The following CERS5 variants were observed in gnomAD, a reference collection of about 807,000 sequenced individuals.
CERS5 encodes LAG1 homolog, ceramide synthase 5.
CERS5 carries 37 observed loss-of-function variants against 58.9 expected under a neutral mutation model. That is an observed-to-expected ratio of 0.63 (90% confidence interval 0.48 to 0.83). CERS5 has a LOEUF of 0.83. CERS5 is among the 40% of genes least tolerant of loss of function. The pLI, the probability that CERS5 is intolerant of heterozygous loss-of-function variation, is 0.00. For synonymous variants in CERS5, 147 were observed against 177.8 expected (o/e 0.83, Z 1.38); for missense variants, 398 against 489.3 (o/e 0.81, Z 1.76).
intron 4 of CERS5, among the ~76,000 whole-genome samples, chr12:50,139,575 C>A (rs1951856796): frequency 6.6e-6 from 1 of 152,062 alleles, no homozygotes; most frequent in African/African-American, 2.4e-5. Flanking sequence ...GGGAGGATCA[C>A]CTGAGGTTAG....
At chr12:50,155,909 C>T (rs1433523253) in intron 1 of CERS5, among the ~76,000 whole-genome samples, 13 of 147,740 alleles carry the variant, frequency 8.8e-5, no homozygotes, top group African/African-American at 3.0e-4. Context: ...TTGAGACCAG[C>T]CTGACCAATA....
chr12:50,141,119 C>T (rs1349676617), intron 4 of CERS5, among the ~76,000 whole-genome samples: 5 of 152,096 alleles, frequency 3.3e-5, no homozygotes, highest in African/African-American at 7.2e-5. Flanking sequence ...GGCTCCATCA[C>T]GGCTCACTGC....
chr12:50,150,984 T>C (rs1937895740), intron 1 of CERS5, among the ~76,000 whole-genome samples: 1 of 152,180 alleles, frequency 6.6e-6, no homozygotes, highest in South Asian at 2.1e-4. Context: ...TTAGACCCAC[T>C]CTTTACTGAT....
At chr12:50,144,697 A>T (rs757940832) in intron 1 of CERS5, 1 of 804,786 alleles carries the variant, frequency 1.2e-6, no homozygotes, top group Non-Finnish European at 1.9e-6. Flanking sequence ...GTGAGAAGGA[A>T]ATCACCTATT....
In CERS5 at chr12:50,148,264, C is replaced by T. The variant is rs533836727; in HGVS notation, c.198-4207G>A. 2.0e-5 allele frequency among the ~76,000 whole-genome samples: 3 copies of T among 152,156 alleles called. No homozygotes were observed. In the South Asian group the frequency reaches 6.2e-4, roughly 32 times the overall value. ...GCTGCAGTGGGCTGTGATTGCGCCA[C>T]TGCACTTCAGCCTGTGTGATAGAGC... On this transcript the variant is annotated intron_variant, in intron 1 of 9. Coordinates refer to ENST00000317551, the MANE Select transcript of CERS5 (RefSeq NM_147190.5).
intron 9 of CERS5, chr12:50,133,184 C>T: frequency 8.3e-7 from 1 of 1,198,548 alleles, no homozygotes; most frequent in Non-Finnish European, 1.1e-6. Context: ...TGCAGGAGAT[C>T]ATCAATATCT....
intron 1 of CERS5, chr12:50,154,428 G>T: frequency 6.3e-6 from 1 of 158,210 alleles, no homozygotes; most frequent in South Asian, 1.7e-4. Context: ...ATTTGAAAGG[G>T]CTATTAAAAT....
At chr12:50,138,690 C>A in intron 4 of CERS5, 73 bp from the exon 5 acceptor site, 1 of 1,331,090 alleles carries the variant, frequency 7.5e-7, no homozygotes, top group South Asian at 1.2e-5. Flanking sequence ...TCATATAATC[C>A]CCTTCTCTCT....
In CERS5 at chr12:50,141,641, G is replaced by C. The variant is rs185416717; in HGVS notation, c.492+412C>G. Among the ~76,000 whole-genome samples the C allele has an allele frequency of 2.6e-4, 39 of 152,086 alleles. 1 individual carries two copies. The highest frequency in any genetic ancestry group is 2.4e-3 in the Admixed American group (37 of 15,254). ...GAGGAAAAGTTGGGGGAAATATAAAGATCTAAAGGTATTTAGGCCAGGCTC... is the reference window on the plus strand; with the variant it reads ...GAGGAAAAGTTGGGGGAAATATAAACATCTAAAGGTATTTAGGCCAGGCTC... On this transcript the variant is annotated intron_variant, in intron 4 of 9. Transcript: ENST00000317551.
At chr12:50,135,651 A>C in intron 8 of CERS5, 81 bp downstream of exon 8, 1 of 1,039,358 alleles carries the variant, frequency 9.6e-7, no homozygotes, top group Non-Finnish European at 1.5e-6. Flanking sequence ...AGAACAGAAA[A>C]ACTGAATGGG....
intron 3 of CERS5, among the ~76,000 whole-genome samples, chr12:50,142,758 G>C (rs1952042494): frequency 6.6e-6 from 1 of 152,138 alleles, no homozygotes. Context: ...TAGCAAGCAA[G>C]CTAGTACTCC....
At chr12:50,153,692 C>T (rs984297046) in intron 1 of CERS5, 10 of 236,270 alleles carry the variant, frequency 4.2e-5, no homozygotes, top group East Asian at 1.6e-4. Context: ...TGGTGGCTCA[C>T]GCCTATAATC....
intron 2 of CERS5, 28 bp from the exon 3 acceptor site, chr12:50,143,232 AC>A: frequency 6.2e-7 from 1 of 1,613,202 alleles, no homozygotes; most frequent in South Asian, 1.1e-5. Flanking sequence ...GAGTCAGAAC[AC>A]CCGTCTCCTC....
intron 9 of CERS5, among the ~76,000 whole-genome samples, chr12:50,131,377 G>A (rs913799887): frequency 6.6e-6 from 1 of 151,952 alleles, no homozygotes; most frequent in Non-Finnish European, 1.5e-5. Flanking sequence ...TGAGCAACAT[G>A]GAGAAACCCT....
At chr12:50,164,180 G>A (rs1025864370) in intron 1 of CERS5, among the ~76,000 whole-genome samples, 10 of 138,742 alleles carry the variant, frequency 7.2e-5, no homozygotes, top group Admixed American at 5.0e-4. Flanking sequence ...GGCTGGTCTC[G>A]AACTCCTGGC....
At chr12:50,131,631 C>T (rs1951332419) in intron 9 of CERS5, among the ~76,000 whole-genome samples, 1 of 146,192 alleles carries the variant, frequency 6.8e-6, no homozygotes, top group African/African-American at 2.5e-5. Flanking sequence ...AGTGAAAACA[C>T]AAATGGATTG....
At chr12:50,133,577 T>C (rs1228622113) in intron 9 of CERS5, 8 of 985,234 alleles carry the variant, frequency 8.1e-6, no homozygotes, top group Non-Finnish European at 9.6e-6. Context: ...GTTTATATGG[T>C]TCTGCATATG....
At chr12:50,134,915 T>C in intron 8 of CERS5, 1 of 563,792 alleles carries the variant, frequency 1.8e-6, no homozygotes, top group Non-Finnish European at 3.1e-6. Context: ...TATATAAATC[T>C]TAGGAACTGA....
intron 4 of CERS5, among the ~76,000 whole-genome samples, chr12:50,141,386 A>G (rs1951963870): frequency 6.6e-6 from 1 of 152,074 alleles, no homozygotes; most frequent in Non-Finnish European, 1.5e-5. Flanking sequence ...ACAATTAACT[A>G]AAAAGTAGGA....
Sources: allele counts gnomAD v4.1 joint callset (sites outside exome capture counted in the v4.1 genomes callset), GRCh38; gene constraint gnomAD v4.1.1; transcripts MANE v1.5; gene names NCBI Gene and HGNC (gene_info 2026-07-23, HGNC 2026-07-21).